Variants in CBFA2T2 observed in about 807,000 individuals in gnomAD.
CBFA2T2 encodes CBFA2/RUNX1 partner transcriptional co-repressor 2.
A neutral mutation model predicts 62.2 loss-of-function variants in CBFA2T2; 11 were observed. That is an observed-to-expected ratio of 0.18 (90% CI 0.11 to 0.29). CBFA2T2 has a LOEUF of 0.29. Ranked by LOEUF, CBFA2T2 falls within the 10% of genes least tolerant of loss-of-function variation. The pLI, the probability that CBFA2T2 is intolerant of heterozygous loss-of-function variation, is 1.00. For synonymous variants in CBFA2T2, 295 were observed against 287.5 expected, an observed-to-expected ratio of 1.03 and a Z score of -0.27; for missense variants, 592 against 774.1, an observed-to-expected ratio of 0.76 and a Z score of 2.79.
At chr20:33,621,352 G>T (rs1601082255) in intron 4 of CBFA2T2, among the ~76,000 whole-genome samples, 1 of 133,084 alleles carries the variant, frequency 7.5e-6, no homozygotes, top group African/African-American at 2.8e-5. Context: ...AGGCTGGAGT[G>T]CAGTGGCGCG....
intron 1 of CBFA2T2, 55 bp downstream of exon 1, chr20:33,490,356 C>T (rs899491647): frequency 2.2e-5 from 28 of 1,254,630 alleles, no homozygotes; most frequent in South Asian, 7.0e-5. Context: ...GCCTGCGGCT[C>T]CGCAGGCGCG....
At chr20:33,604,266 T>C (rs1236813116) in intron 1 of CBFA2T2, among the ~76,000 whole-genome samples, 3 of 152,184 alleles carry the variant, frequency 2.0e-5, no homozygotes, top group Admixed American at 6.5e-5. Context: ...ATCATTCCTG[T>C]TAATTAAGCA....
At chr20:33,523,104 G>A (rs1443264937) in intron 1 of CBFA2T2, among the ~76,000 whole-genome samples, 3 of 152,168 alleles carry the variant, frequency 2.0e-5, no homozygotes, top group Non-Finnish European at 2.9e-5. Context: ...GATACGCATT[G>A]TAGATTCTGG....
intron 6 of CBFA2T2, among the ~76,000 whole-genome samples, chr20:33,626,824 G>A (rs1399882656): frequency 2.0e-5 from 3 of 152,192 alleles, no homozygotes; most frequent in Non-Finnish European, 4.4e-5. Flanking sequence ...CAGCCATGGT[G>A]TTCTCAGAGC....
intron 1 of CBFA2T2, chr20:33,574,039 T>G (rs2013703130): frequency 7.5e-7 from 1 of 1,335,578 alleles, no homozygotes. Context: ...TCTTCCCATG[T>G]TGGCTGCCCA....
intron 1 of CBFA2T2, among the ~76,000 whole-genome samples, chr20:33,495,622 C>T (rs989985178): frequency 2.0e-5 from 3 of 151,926 alleles, no homozygotes; most frequent in South Asian, 2.1e-4. Context: ...AAAGAAACTG[C>T]GGAGGTTGCA....
chr20:33,545,000 T>TAGAACAGAACAGAAC (rs1198481801), intron 1 of CBFA2T2, among the ~76,000 whole-genome samples: 30 of 125,768 alleles, frequency 2.4e-4, no homozygotes, highest in South Asian at 8.2e-4. Context: ...TAGAATAGAA[T>TAGAACAGAACAGAAC]AGAATAGAAT....
intron 1 of CBFA2T2, among the ~76,000 whole-genome samples, chr20:33,498,143 C>T (rs1040972145): frequency 6.6e-6 from 1 of 151,866 alleles, no homozygotes; most frequent in Non-Finnish European, 1.5e-5. Flanking sequence ...GTTGCCCAGG[C>T]TGGTCTAGAA....
At chr20:33,607,427 A>G (rs1197961110) in intron 2 of CBFA2T2, among the ~76,000 whole-genome samples, 1 of 152,218 alleles carries the variant, frequency 6.6e-6, no homozygotes, top group East Asian at 1.9e-4. Context: ...TTCTAAAATT[A>G]TAGAATTCTA....
At chr20:33,527,588 G>A (rs1040268303) in intron 1 of CBFA2T2, among the ~76,000 whole-genome samples, 2 of 152,068 alleles carry the variant, frequency 1.3e-5, no homozygotes, top group Non-Finnish European at 2.9e-5. Flanking sequence ...GGCCAGGCTG[G>A]TCTCAAACTC....
intron 1 of CBFA2T2, among the ~76,000 whole-genome samples, chr20:33,606,256 G>A (rs2015335553): frequency 6.6e-6 from 1 of 152,260 alleles, no homozygotes; most frequent in Non-Finnish European, 1.5e-5. Context: ...TAAAGAAAAT[G>A]CATTTGAGGT....
intron 3 of CBFA2T2, among the ~76,000 whole-genome samples, chr20:33,618,880 G>T (rs2015817030): frequency 6.6e-6 from 1 of 152,172 alleles, no homozygotes; most frequent in Non-Finnish European, 1.5e-5. Context: ...CAATATCAGG[G>T]ATCAGAGTGC....
chr20:33,587,231 A>G (rs2014407541), intron 1 of CBFA2T2, among the ~76,000 whole-genome samples: 1 of 151,876 alleles, frequency 6.6e-6, no homozygotes, highest in African/African-American at 2.4e-5. Context: ...GGCGTGAGCC[A>G]CGGCACCCAG....
At chr20:33,558,611 A>G (rs1600969170) in intron 1 of CBFA2T2, among the ~76,000 whole-genome samples, 1 of 151,824 alleles carries the variant, frequency 6.6e-6, no homozygotes, top group Non-Finnish European at 1.5e-5. Context: ...AATTTGCTCA[A>G]TCGTATTGTT....
At position 33,649,739 on chromosome 20, in the gene CBFA2T2, A is replaced by G. The variant is rs1424976168; in HGVS notation, c.*5093A>G. ...TCAGTCCCCTTAACGTGGCTTTCCA[A>G]CTTCCTGACGAGGCTACAAAGGCTC... On this transcript the variant is annotated 3_prime_UTR_variant, in exon 11 of 11. Transcript: ENST00000342704. The G allele has an allele frequency of 6.6e-6, 1 of 152,498 alleles. No individual in the cohort carries two copies. The highest frequency in any genetic ancestry group is 1.5e-5 in the Non-Finnish European group (1 of 68,034). The allele number at this position is 152,498 out of a possible 1,614,324, so 9.4% of individuals were successfully genotyped here.
At chr20:33,524,710 A>G (rs932594480) in intron 1 of CBFA2T2, among the ~76,000 whole-genome samples, 2 of 152,240 alleles carry the variant, frequency 1.3e-5, no homozygotes, top group East Asian at 1.9e-4. Context: ...TATGCTTGCT[A>G]TGCTAGAAAT....
At chr20:33,595,692 C>T (rs547119226) in intron 1 of CBFA2T2, among the ~76,000 whole-genome samples, 1 of 152,094 alleles carries the variant, frequency 6.6e-6, no homozygotes, top group South Asian at 2.1e-4. Flanking sequence ...GTGTACGCCA[C>T]CACTCCCAGC....
At chr20:33,513,216 C>T (rs988221204) in intron 1 of CBFA2T2, among the ~76,000 whole-genome samples, 3 of 152,174 alleles carry the variant, frequency 2.0e-5, no homozygotes, top group African/African-American at 7.2e-5. Flanking sequence ...CCATTTATTA[C>T]ACATCCTCTC....
rs139252247 is a variant in CBFA2T2 at position 33,606,850 on chromosome 20, A to G, written c.35-106A>G. 1.5e-4 allele frequency: 164 copies of G among 1,076,686 alleles called. No homozygotes were observed. The East Asian group carries it at 3.7e-3, about 25-fold the overall frequency. The allele number at this position is 1,076,686 out of a possible 1,614,324, so 66.7% of individuals were successfully genotyped here. On this transcript the variant is annotated intron_variant, in intron 1 of 10. Coordinates refer to ENST00000342704, the MANE Select transcript of CBFA2T2 (RefSeq NM_001032999.3). Reference sequence around the variant, plus strand: ...CTTTTAGGGGGTCACTATTCAGCCTATTATACCAAGCAGTCCTCTAGGGAA... The same window carrying G: ...CTTTTAGGGGGTCACTATTCAGCCTGTTATACCAAGCAGTCCTCTAGGGAA...
Sources: allele counts gnomAD v4.1 joint callset (sites outside exome capture counted in the v4.1 genomes callset), GRCh38; gene constraint gnomAD v4.1.1; transcripts MANE v1.5; gene names NCBI Gene and HGNC (gene_info 2026-07-23, HGNC 2026-07-21).